Variants in ILRUN observed in about 807,000 individuals in gnomAD.
ILRUN encodes protein ILRUN.
In ILRUN, 3 loss-of-function variants were observed where a neutral mutation model predicts 33.8. That is an observed-to-expected ratio of 0.09 (90% CI 0.04 to 0.23). The LOEUF (loss-of-function observed/expected upper bound fraction) is 0.23. Ranked by LOEUF, ILRUN falls within the 10% of genes least tolerant of loss-of-function variation. The pLI is 1.00. For synonymous variants in ILRUN, 124 were observed against 138.9 expected (o/e 0.89, Z 0.75); for missense variants, 210 against 375.1 (o/e 0.56, Z 3.64).
At chr6:34,607,558 T>C (rs887401986) in intron 3 of ILRUN, among the ~76,000 whole-genome samples, 11 of 152,334 alleles carry the variant, frequency 7.2e-5, no homozygotes, top group South Asian at 2.1e-4. Context: ...TGCTTTTCTG[T>C]CATACAGTCA....
intron 3 of ILRUN, among the ~76,000 whole-genome samples, chr6:34,608,222 C>T (rs779597798): frequency 2.0e-5 from 3 of 151,912 alleles, no homozygotes; most frequent in South Asian, 2.1e-4. Context: ...AGTGAAACCC[C>T]ATCTCTACTG....
At chr6:34,631,084 T>G (rs974189502) in intron 3 of ILRUN, among the ~76,000 whole-genome samples, 1 of 152,210 alleles carries the variant, frequency 6.6e-6, no homozygotes, top group African/African-American at 2.4e-5. Flanking sequence ...TTAAAAAAAT[T>G]CCTGGCCTAA....
Position 34,685,894 on chromosome 6 carries a change from CA to C in ILRUN, c.158+10551del, listed in dbSNP as rs919154506. ...GCTGGTTCCCACCTCATACCATACACAAAAATTAATTATACAAAATGGATAT... is the reference window on the plus strand; with the variant it reads ...GCTGGTTCCCACCTCATACCATACACAAAATTAATTATACAAAATGGATAT... On this transcript the variant is annotated intron_variant, in intron 1 of 4. Coordinates refer to ENST00000374023, the MANE Select transcript of ILRUN (RefSeq NM_024294.4). 1.8e-4 allele frequency among the ~76,000 whole-genome samples: 27 copies of C among 152,056 alleles called. 1 individual carries two copies.
chr6:34,632,393 A>T (rs2127349359), intron 3 of ILRUN, among the ~76,000 whole-genome samples: 1 of 152,222 alleles, frequency 6.6e-6, no homozygotes, highest in East Asian at 1.9e-4. Flanking sequence ...GTGAGCCAAG[A>T]TCACACCACT....
chr6:34,661,949 C>T (rs1762893950), intron 1 of ILRUN, among the ~76,000 whole-genome samples: 1 of 151,904 alleles, frequency 6.6e-6, no homozygotes, highest in Admixed American at 6.6e-5. Flanking sequence ...AACAGTGAAA[C>T]CCCGTCTCTA....
chr6:34,686,819 A>G (rs1227938872), intron 1 of ILRUN: 1 of 64,584 alleles, frequency 1.5e-5, no homozygotes, highest in Non-Finnish European at 2.9e-5. Context: ...AGCTGGGCGC[A>G]GTGGCGGGCG....
chr6:34,627,710 T>C lies in ILRUN; in HGVS notation c.511+18891A>G, dbSNP rs1762166252. On this transcript the variant is annotated intron_variant, in intron 3 of 4. Coordinates refer to ENST00000374023, the MANE Select transcript of ILRUN (RefSeq NM_024294.4). ...TCTGTTCAGGTCTTTGGCCCTTTTT[T>C]TTTTTTTTTTGAGACAGAGTTTCGC... 4.0e-5 allele frequency among the ~76,000 whole-genome samples: 6 copies of C among 151,794 alleles called. No homozygotes were observed. In the South Asian group the frequency reaches 1.3e-3, roughly 32 times the overall value.
At chr6:34,683,534 T>TATATATATATATATATA (rs1562033474) in intron 1 of ILRUN, among the ~76,000 whole-genome samples, 1 of 131,320 alleles carries the variant, frequency 7.6e-6, no homozygotes, top group African/African-American at 3.0e-5. Flanking sequence ...ATATACATAT[T>TATATATATATATATATA]GCACAGAATA....
chr6:34,653,174 A>G (rs560215772), intron 2 of ILRUN, among the ~76,000 whole-genome samples: 4 of 148,426 alleles, frequency 2.7e-5, no homozygotes, highest in East Asian at 1.9e-4. Context: ...AAGAAAGAAA[A>G]AAAATTTAGA....
At chr6:34,629,432 T>C (rs1233123694) in intron 3 of ILRUN, among the ~76,000 whole-genome samples, 1 of 152,194 alleles carries the variant, frequency 6.6e-6, no homozygotes, top group Non-Finnish European at 1.5e-5. Flanking sequence ...ACTCCCAAAG[T>C]GCTGGGATTA....
intron 1 of ILRUN, among the ~76,000 whole-genome samples, chr6:34,691,078 C>T (rs912171390): frequency 5.3e-5 from 8 of 151,900 alleles, no homozygotes; most frequent in African/African-American, 9.7e-5. Context: ...TTAGTAGAGA[C>T]GGGGTTCCAC....
chr6:34,662,607 TTG>T (rs1239821279), intron 1 of ILRUN, among the ~76,000 whole-genome samples: 1 of 152,194 alleles, frequency 6.6e-6, no homozygotes, highest in Non-Finnish European at 1.5e-5. Flanking sequence ...CGGATGAACC[TTG>T]AGGATTTTAT....
chr6:34,686,027 T>G (rs1248932731), intron 1 of ILRUN, among the ~76,000 whole-genome samples: 1 of 152,072 alleles, frequency 6.6e-6, no homozygotes, highest in Non-Finnish European at 1.5e-5. Context: ...TGGTAATGAA[T>G]TCTAAGATAT....
intron 3 of ILRUN, among the ~76,000 whole-genome samples, chr6:34,619,487 C>T (rs967863736): frequency 6.6e-6 from 1 of 152,028 alleles, no homozygotes; most frequent in Non-Finnish European, 1.5e-5. Context: ...TCTTGAGTAG[C>T]TGGGACTACA....
chr6:34,611,789 G>T (rs1045375047), intron 3 of ILRUN, among the ~76,000 whole-genome samples: 4 of 152,160 alleles, frequency 2.6e-5, no homozygotes, highest in African/African-American at 9.7e-5. Flanking sequence ...TAAAAGTGAT[G>T]AGCTCAAGGT....
chr6:34,596,142 G>C (rs977280296), intron 4 of ILRUN, among the ~76,000 whole-genome samples: 1 of 152,216 alleles, frequency 6.6e-6, no homozygotes, highest in Non-Finnish European at 1.5e-5. Context: ...GGAGTAATGA[G>C]CAGGGCAATG....
At chr6:34,631,471 G>A (rs944721649) in intron 3 of ILRUN, among the ~76,000 whole-genome samples, 10 of 152,006 alleles carry the variant, frequency 6.6e-5, no homozygotes, top group Non-Finnish European at 1.2e-4. Flanking sequence ...GGAATTACAG[G>A]CATGTACCAC....
At chr6:34,683,437 T>G (rs1161410256) in intron 1 of ILRUN, among the ~76,000 whole-genome samples, 1 of 98,834 alleles carries the variant, frequency 1.0e-5, no homozygotes, top group African/African-American at 4.0e-5. Context: ...TACATATATA[T>G]ATACATATAT....
rs1761522977 is a variant in ILRUN, at chr6:34,602,121, T to A, written c.861+4434A>T. On this transcript the variant is annotated intron_variant, in intron 4 of 4. Coordinates refer to ENST00000374023, the MANE Select transcript of ILRUN (RefSeq NM_024294.4). ...CATATACCAGCCTCGAACACTTTTT[T>A]TTTTAAAGAAAGAACAAACACAATA... Among the ~76,000 whole-genome samples, 4 of 152,236 alleles carry A rather than the reference T, an allele frequency of 2.6e-5. No individual in the cohort carries two copies. In the South Asian group the frequency reaches 8.3e-4, roughly 32 times the overall value.
Sources: gnomAD v4.1 joint callset for allele counts (sites outside exome capture counted in the v4.1 genomes callset) on GRCh38, gnomAD v4.1.1 for gene constraint, MANE v1.5 for transcripts, NCBI Gene and HGNC (gene_info 2026-07-23, HGNC 2026-07-21) for gene names.